CDK14: variants seen among roughly 807,000 people sequenced by gnomAD.
CDK14 encodes the protein cyclin dependent kinase 14.
In CDK14, 34 loss-of-function variants were observed where a neutral mutation model predicts 60.7. That is an observed-to-expected ratio of 0.56 (90% confidence interval 0.43 to 0.75). The LOEUF is 0.75. CDK14 is among the 30% of genes least tolerant of loss of function. The pLI is 0.00. For synonymous variants in CDK14, 197 were observed against 203.7 expected (o/e 0.97, Z 0.28); for missense variants, 482 against 564.1 (o/e 0.85, Z 1.47).
chr7:91,165,546 GTGAGT>G (rs1460856256), intron 14 of CDK14, among the ~76,000 whole-genome samples: 1 of 152,152 alleles, frequency 6.6e-6, no homozygotes, highest in Non-Finnish European at 1.5e-5. Context: ...TAAGTCATCA[GTGAGT>G]TCTGGCTAGT....
chr7:90,913,494 C>CAAG (rs752904558), intron 7 of CDK14, among the ~76,000 whole-genome samples: 4 of 152,180 alleles, frequency 2.6e-5, no homozygotes, highest in Non-Finnish European at 5.9e-5. Flanking sequence ...GTGCATAGCA[C>CAAG]AAGGTCATCA....
At chr7:91,074,844 T>G (rs1190990337) in intron 11 of CDK14, among the ~76,000 whole-genome samples, 1 of 151,870 alleles carries the variant, frequency 6.6e-6, no homozygotes, top group Non-Finnish European at 1.5e-5. Context: ...CAAACTACCA[T>G]CAGAGAATAC....
intron 14 of CDK14, among the ~76,000 whole-genome samples, chr7:91,126,663 G>T (rs185132668): frequency 6.6e-5 from 10 of 152,020 alleles, no homozygotes; most frequent in African/African-American, 2.2e-4. Flanking sequence ...CTCTCAAAAT[G>T]ATCTCAGGAT....
chr7:91,045,173 A>G (rs1348666160), intron 10 of CDK14, among the ~76,000 whole-genome samples: 1 of 152,132 alleles, frequency 6.6e-6, no homozygotes, highest in African/African-American at 2.4e-5. Flanking sequence ...ATTTGCCATG[A>G]TCATTGAGTG....
intron 12 of CDK14, among the ~76,000 whole-genome samples, chr7:91,086,085 G>A (rs574643484): frequency 3.9e-5 from 6 of 152,278 alleles, no homozygotes; most frequent in African/African-American, 7.2e-5. Flanking sequence ...TTAAATGCTC[G>A]TCAGTGTAAT....
chr7:90,731,043 A>G (rs1170479832), intron 3 of CDK14, among the ~76,000 whole-genome samples: 2 of 152,194 alleles, frequency 1.3e-5, no homozygotes, highest in East Asian at 1.9e-4. Flanking sequence ...GGTGTAAGCA[A>G]GGGATCCAGT....
chr7:90,942,925 G>T (rs535612814), intron 8 of CDK14, among the ~76,000 whole-genome samples: 1 of 152,132 alleles, frequency 6.6e-6, no homozygotes, highest in Non-Finnish European at 1.5e-5. Flanking sequence ...CTTCAGTAAA[G>T]CTGAACAGCT....
In CDK14 at chr7:90,649,419, TTCCTTCTTTCTTTC is replaced by T. The variant is rs1476858222; in HGVS notation, c.123+45173_123+45186del. On this transcript the variant is annotated intron_variant, in intron 2 of 14. Transcript: ENST00000380050. ...CTTCTTTCTTTCTTTCTTTCTTTCT[TTCCTTCTTTCTTTC>T]TCTTTCCTTCCTTCTTTCCTTCTTT... Among the ~76,000 whole-genome samples the T allele has an allele frequency of 6.5e-3, 720 of 110,836 alleles. 75 individuals are homozygous for T. Among genetic ancestry groups the T allele is most frequent in the East Asian group, 0.016 (31 of 1,960 alleles). The allele number at this position is 110,836 out of a possible 152,430, so 72.7% of individuals were successfully genotyped here. A position where few individuals can be genotyped will look rare whatever the true frequency, so the allele number is the denominator to read the frequency against.
intron 8 of CDK14, among the ~76,000 whole-genome samples, chr7:90,944,059 C>G (rs1341356801): frequency 6.6e-6 from 1 of 152,176 alleles, no homozygotes; most frequent in African/African-American, 2.4e-5. Context: ...GGTTGCCCAT[C>G]ATGTTTTGCC....
At chr7:90,683,989 C>G (rs1801378533) in intron 2 of CDK14, among the ~76,000 whole-genome samples, 1 of 151,850 alleles carries the variant, frequency 6.6e-6, no homozygotes, top group East Asian at 1.9e-4. Context: ...CATGCATGTG[C>G]ACATACATAT....
At chr7:90,791,183 AT>A (rs1315034438) in intron 5 of CDK14, among the ~76,000 whole-genome samples, 1 of 152,078 alleles carries the variant, frequency 6.6e-6, no homozygotes, top group Non-Finnish European at 1.5e-5. Context: ...ATTTTCTAAA[AT>A]TTCTTTTATA....
chr7:90,995,159 CA>C (rs1229204264), intron 10 of CDK14, among the ~76,000 whole-genome samples: 1 of 152,098 alleles, frequency 6.6e-6, no homozygotes, highest in Non-Finnish European at 1.5e-5. Context: ...GACTAGGTGA[CA>C]AAATGATTGT....
At chr7:91,034,444 A>G (rs1359373464) in intron 10 of CDK14, among the ~76,000 whole-genome samples, 1 of 152,126 alleles carries the variant, frequency 6.6e-6, no homozygotes, top group Non-Finnish European at 1.5e-5. Context: ...TGAGACAGTA[A>G]CCTTCTAGCA....
intron 4 of CDK14, among the ~76,000 whole-genome samples, chr7:90,764,683 G>C (rs750827825): frequency 6.6e-6 from 1 of 152,184 alleles, no homozygotes; most frequent in Non-Finnish European, 1.5e-5. Flanking sequence ...CTTAATGGTT[G>C]ATTCTTGAGC....
At chr7:91,116,651 T>G (rs1195579258) in intron 13 of CDK14, among the ~76,000 whole-genome samples, 1 of 152,174 alleles carries the variant, frequency 6.6e-6, no homozygotes, top group Admixed American at 6.6e-5. Flanking sequence ...TCATGCTGTT[T>G]TGAATCCTTT....
At chr7:91,197,911 G>C (rs758578635) in intron 14 of CDK14, among the ~76,000 whole-genome samples, 1 of 152,178 alleles carries the variant, frequency 6.6e-6, no homozygotes, top group Non-Finnish European at 1.5e-5. Context: ...ACAGAGCTTC[G>C]CTTCCACGGA....
chr7:91,189,859 A>T (rs1802305121), intron 14 of CDK14, among the ~76,000 whole-genome samples: 1 of 152,216 alleles, frequency 6.6e-6, no homozygotes, highest in Non-Finnish European at 1.5e-5. Context: ...CCATAGAAAG[A>T]GTATGGGTTT....
intron 14 of CDK14, among the ~76,000 whole-genome samples, chr7:91,161,465 G>A (rs1801166660): frequency 1.3e-5 from 2 of 152,168 alleles, no homozygotes; most frequent in Admixed American, 1.3e-4. Flanking sequence ...AGAGCGGTGT[G>A]TTTTTCTACA....
chr7:90,697,643 A>G (rs1174385138), intron 2 of CDK14, among the ~76,000 whole-genome samples: 1 of 152,240 alleles, frequency 6.6e-6, no homozygotes, highest in Non-Finnish European at 1.5e-5. Flanking sequence ...AAGTAATTTC[A>G]GAATAAAAAT....
Sources: allele counts gnomAD v4.1 joint callset (sites outside exome capture counted in the v4.1 genomes callset), GRCh38; gene constraint gnomAD v4.1.1; transcripts MANE v1.5; gene names NCBI Gene and HGNC (gene_info 2026-07-23, HGNC 2026-07-21).